GABRG3: variants seen among roughly 807,000 people sequenced by gnomAD.
GABRG3 encodes gamma-aminobutyric acid type A receptor subunit gamma3, also known as gamma-aminobutyric acid receptor subunit gamma-3.
A neutral mutation model predicts 48.8 loss-of-function variants in GABRG3; 25 were observed. That is an observed-to-expected ratio of 0.51 (90% CI 0.37 to 0.72). The LOEUF is 0.72. Among genes scored for constraint, GABRG3 ranks in the 30% least tolerant of loss-of-function variants. GABRG3 has a pLI of 0.00. For synonymous variants in GABRG3, 227 were observed against 217.6 expected (o/e 1.04, Z -0.38); for missense variants, 394 against 577.9 (o/e 0.68, Z 3.26).
chr15:27,499,075 G>A (rs755997058), intron 6 of GABRG3, among the ~76,000 whole-genome samples: 21 of 152,144 alleles, frequency 1.4e-4, no homozygotes, highest in Non-Finnish European at 2.4e-4. Context: ...GGTGCTAAGG[G>A]CGGTGTTTTC....
At chr15:27,225,333 C>T (rs528443148) in intron 3 of GABRG3, among the ~76,000 whole-genome samples, 3 of 152,126 alleles carry the variant, frequency 2.0e-5, no homozygotes, top group East Asian at 1.9e-4. Context: ...GAGCCGCCAC[C>T]TCCCCGCCCC....
At chr15:27,402,585 C>T (rs188788706) in intron 5 of GABRG3, among the ~76,000 whole-genome samples, 14 of 152,280 alleles carry the variant, frequency 9.2e-5, no homozygotes, top group Admixed American at 6.5e-4. Context: ...CTGGCCCTTC[C>T]AGGATGGGAA....
chr15:27,260,737 A>G (rs1278382335), intron 3 of GABRG3, among the ~76,000 whole-genome samples: 1 of 152,110 alleles, frequency 6.6e-6, no homozygotes, highest in Non-Finnish European at 1.5e-5. Context: ...ATGATAAATC[A>G]AATGTCAAGA....
At chr15:27,042,356 C>G (rs188310889) in intron 3 of GABRG3, among the ~76,000 whole-genome samples, 47 of 152,282 alleles carry the variant, frequency 3.1e-4, no homozygotes, top group Non-Finnish European at 5.6e-4. Context: ...CACCTGAGGG[C>G]CCTCACCCGA....
At chr15:27,007,460 G>C (rs776540536) in intron 2 of GABRG3, among the ~76,000 whole-genome samples, 3 of 152,158 alleles carry the variant, frequency 2.0e-5, no homozygotes, top group Non-Finnish European at 4.4e-5. Flanking sequence ...GCAAATGTTT[G>C]CTCTGTTTTA....
intron 5 of GABRG3, among the ~76,000 whole-genome samples, chr15:27,461,858 C>CT (rs540219410): frequency 6.6e-6 from 1 of 152,136 alleles, no homozygotes. Context: ...AGAGAGACTT[C>CT]TTTTTCACCA....
chr15:27,519,992 A>G lies in GABRG3; in HGVS notation c.733A>G (p.Ile245Val), dbSNP rs1468737976. The G allele has an allele frequency of 1.3e-6, 2 of 1,566,648 alleles. No homozygotes were observed. Among genetic ancestry groups the G allele is most frequent in the Middle Eastern group, 1.7e-4 (1 of 5,988 alleles). Residue 245 changes from isoleucine to valine, a missense_variant, in exon 7 of 10, where the codon ATA (isoleucine) becomes GTA (valine). Coordinates refer to ENST00000615808, the MANE Select transcript of GABRG3 (RefSeq NM_033223.5). ...TSAGDYVVMT[I>V]YFELSRRMGY... ...TACAGGTGATTATGTTGTCATGACTATATATTTTGAATTGAGTAGAAGAAT... is the reference window on the plus strand; with the variant it reads ...TACAGGTGATTATGTTGTCATGACTGTATATTTTGAATTGAGTAGAAGAAT...
At chr15:26,977,231 C>A in intron 2 of GABRG3, 81 bp downstream of exon 2, 1 of 1,406,280 alleles carries the variant, frequency 7.1e-7, no homozygotes, top group Admixed American at 2.0e-5. Context: ...ATTGTGAATT[C>A]CAAGAGTATT....
At chr15:27,227,902 A>G (rs1310966187) in intron 3 of GABRG3, among the ~76,000 whole-genome samples, 1 of 152,138 alleles carries the variant, frequency 6.6e-6, no homozygotes, top group Non-Finnish European at 1.5e-5. Context: ...TGCTGGTTTT[A>G]TTTTTGCTCA....
Position 27,306,755 on chromosome 15 carries a change from T to G in GABRG3, c.271-20054T>G, listed in dbSNP as rs182007758. Among the ~76,000 whole-genome samples the G allele has an allele frequency of 1.0e-3, 122 of 117,486 alleles. 1 individual carries two copies. In the East Asian group the frequency reaches 0.011, roughly 11 times the overall value. The allele number at this position is 117,486 out of a possible 152,430, so 77.1% of individuals were successfully genotyped here. On this transcript the variant is annotated intron_variant, in intron 3 of 9. Transcript: ENST00000615808. ...TATAAACATATACAATATAAACATGTTTATATATAAACATACAATATAAAC... is the reference window on the plus strand; with the variant it reads ...TATAAACATATACAATATAAACATGGTTATATATAAACATACAATATAAAC...
At chr15:27,435,765 G>A (rs927214934) in intron 5 of GABRG3, among the ~76,000 whole-genome samples, 4 of 152,136 alleles carry the variant, frequency 2.6e-5, no homozygotes, top group African/African-American at 9.7e-5. Flanking sequence ...GAATTTATAG[G>A]CTTCATGCCT....
chr15:27,517,193 T>G (rs973589798), intron 6 of GABRG3, among the ~76,000 whole-genome samples: 1 of 151,996 alleles, frequency 6.6e-6, no homozygotes, highest in Admixed American at 6.6e-5. Flanking sequence ...TGTCTGAGGC[T>G]GCCTCCTCCG....
chr15:27,385,643 C>T (rs1895899843), intron 5 of GABRG3, among the ~76,000 whole-genome samples: 1 of 152,082 alleles, frequency 6.6e-6, no homozygotes, highest in South Asian at 2.1e-4. Context: ...TCTATCAGCT[C>T]AAATCTGCTG....
chr15:27,015,453 C>T (rs1039278149), intron 2 of GABRG3, among the ~76,000 whole-genome samples: 1 of 148,158 alleles, frequency 6.7e-6, no homozygotes, highest in African/African-American at 2.5e-5. Context: ...GGCGCAATCT[C>T]GGCTCACTGC....
chr15:27,434,187 A>G (rs1888540248), intron 5 of GABRG3, among the ~76,000 whole-genome samples: 1 of 152,252 alleles, frequency 6.6e-6, no homozygotes, highest in Admixed American at 6.5e-5. Context: ...GTGGCCCAGA[A>G]TAATGCACAG....
intron 2 of GABRG3, among the ~76,000 whole-genome samples, chr15:27,021,659 A>G (rs919407218): frequency 2.6e-5 from 4 of 152,060 alleles, no homozygotes; most frequent in African/African-American, 9.7e-5. Context: ...TGGGCAACAT[A>G]GCGAGACTCT....
At chr15:26,990,319 A>T (rs1409538835) in intron 2 of GABRG3, among the ~76,000 whole-genome samples, 1 of 152,234 alleles carries the variant, frequency 6.6e-6, no homozygotes, top group African/African-American at 2.4e-5. Context: ...AAGCCATTTT[A>T]ACTGGGGTGA....
chr15:27,324,341 C>T (rs767831062), intron 3 of GABRG3, among the ~76,000 whole-genome samples: 14 of 152,110 alleles, frequency 9.2e-5, no homozygotes, highest in Non-Finnish European at 1.6e-4. Flanking sequence ...AGTGTATGTA[C>T]TAAGGTGGAA....
intron 5 of GABRG3, among the ~76,000 whole-genome samples, chr15:27,444,884 C>CA (rs984437762): frequency 1.1e-4 from 17 of 151,832 alleles, no homozygotes; most frequent in African/African-American, 4.1e-4. Context: ...CATTCATGTT[C>CA]AAGATTTTTT....
Sources: gnomAD v4.1 joint callset for allele counts (sites outside exome capture counted in the v4.1 genomes callset) on GRCh38, gnomAD v4.1.1 for gene constraint, MANE v1.5 for transcripts, NCBI Gene and HGNC (gene_info 2026-07-23, HGNC 2026-07-21) for gene names.